ARSJ: variants seen among roughly 807,000 people sequenced by gnomAD.
ARSJ encodes arylsulfatase family member J.
ARSJ carries 26 observed loss-of-function variants against 35.9 expected under a neutral mutation model. The ratio of observed to expected loss-of-function variants is 0.72; its 90% CI spans 0.53 to 1.00. The LOEUF (loss-of-function observed/expected upper bound fraction) is 1.00, where lower values mean the gene tolerates loss of function less well. ARSJ is among the 50% of genes least tolerant of loss of function. The pLI is 0.00. For synonymous variants in ARSJ, 294 were observed against 267.6 expected, an observed-to-expected ratio of 1.10 and a Z score of -0.96; for missense variants, 667 against 723.6, an observed-to-expected ratio of 0.92 and a Z score of 0.90.
At chr4:113,975,589 C>T (rs1594527992) in intron 1 of ARSJ, among the ~76,000 whole-genome samples, 2 of 152,264 alleles carry the variant, frequency 1.3e-5, no homozygotes, top group African/African-American at 2.4e-5. Flanking sequence ...ACCTAGAATG[C>T]TGTTTCTCAA....
intron 1 of ARSJ, among the ~76,000 whole-genome samples, chr4:113,940,177 G>GATAC (rs1223256910): frequency 6.6e-6 from 1 of 152,080 alleles, no homozygotes; most frequent in Non-Finnish European, 1.5e-5. Flanking sequence ...CTGTTATAAA[G>GATAC]ATACATGCTT....
intron 1 of ARSJ, among the ~76,000 whole-genome samples, chr4:113,941,770 T>C (rs1725174832): frequency 6.6e-6 from 1 of 152,040 alleles, no homozygotes; most frequent in Non-Finnish European, 1.5e-5. Flanking sequence ...AAATGTTAAA[T>C]TAATATTGCC....
chr4:113,948,468 T>C (rs12108332), intron 1 of ARSJ, among the ~76,000 whole-genome samples: 53,684 of 151,966 alleles, frequency 0.35, 9,666 homozygotes, highest in Admixed American at 0.41. Context: ...CCTAAAGGTA[T>C]ATTAAGTGTC....
chr4:113,945,497 A>C (rs1195371770), intron 1 of ARSJ, among the ~76,000 whole-genome samples: 2 of 152,104 alleles, frequency 1.3e-5, no homozygotes, highest in Non-Finnish European at 2.9e-5. Context: ...GGACAGAAGT[A>C]AGTAAACTTT....
Position 113,902,847 on chromosome 4 carries a change from C to A in ARSJ, c.1227G>T (p.Glu409Asp). The change falls in exon 2 of 2, where the codon GAG becomes GAT. Residue 409 changes from glutamate (E) to aspartate (D), a missense_variant. By Grantham distance (45) the Glu-to-Asp change is conservative. Transcript: ENST00000315366. Reference sequence around the variant, plus strand: ...TATCTACTCGGGGTGAGCGAAGACCCTCACTTATGGTCTCCCAGATATCAT... The same window carrying A: ...TATCTACTCGGGGTGAGCGAAGACCATCACTTATGGTCTCCCAGATATCAT... The part of the protein sequence containing the change: ...DGYDIWETIS[E>D]GLRSPRVDIL... 1 of 1,614,156 alleles carries A rather than the reference C, an allele frequency of 6.2e-7. No homozygotes were observed. The highest frequency in any genetic ancestry group is 8.5e-7 in the Non-Finnish European group (1 of 1,180,034).
chr4:113,936,109 G>A (rs149450445), intron 1 of ARSJ, among the ~76,000 whole-genome samples: 2 of 151,958 alleles, frequency 1.3e-5, no homozygotes, highest in East Asian at 3.9e-4. Context: ...TGCAGGCAGG[G>A]CCTTTTTTGG....
intron 1 of ARSJ, among the ~76,000 whole-genome samples, chr4:113,928,406 G>A (rs948625310): frequency 6.6e-6 from 1 of 152,124 alleles, no homozygotes; most frequent in Non-Finnish European, 1.5e-5. Flanking sequence ...ATTGATTGAG[G>A]AGCTGTGATT....
At chr4:113,921,924 T>A (rs1723705472) in intron 1 of ARSJ, among the ~76,000 whole-genome samples, 1 of 152,188 alleles carries the variant, frequency 6.6e-6, no homozygotes, top group Non-Finnish European at 1.5e-5. Flanking sequence ...TAGTTTAGTC[T>A]ATTTGTAAGG....
In ARSJ at chr4:113,978,488, T is replaced by C. The variant is rs1727728365; in HGVS notation, c.347A>G (p.Tyr116Cys). The C allele has an allele frequency of 3.1e-6, 5 of 1,613,918 alleles. No homozygotes were observed. The highest frequency in any genetic ancestry group is 1.7e-5 in the Admixed American group (1 of 60,006). Reference protein sequence around the residue: ...LAAEGVKLENYYVQPICTPSR... With the variant: ...LAAEGVKLENCYVQPICTPSR... ...TGGTGTGCAAATAGGCTGGACATAG[T>C]AGTTCTCCAGTTTAACTCCTTCGGC... The change falls in exon 1 of 2, where the codon TAC becomes TGC. Residue 116 changes from tyrosine (Y) to cysteine (C), a missense_variant. Tyr to Cys is a radical substitution (Grantham distance 194). Coordinates refer to ENST00000315366, the MANE Select transcript of ARSJ (RefSeq NM_024590.4).
intron 1 of ARSJ, among the ~76,000 whole-genome samples, chr4:113,915,514 T>A (rs1171183511): frequency 2.6e-5 from 4 of 152,220 alleles, no homozygotes; most frequent in African/African-American, 9.6e-5. Context: ...GTAGCATGGT[T>A]ATAGCTGACT....
At chr4:113,937,836 A>G (rs1382210059) in intron 1 of ARSJ, among the ~76,000 whole-genome samples, 2 of 151,962 alleles carry the variant, frequency 1.3e-5, no homozygotes, top group East Asian at 3.9e-4. Flanking sequence ...TAATAAGGGA[A>G]GGGAAGGACC....
intron 1 of ARSJ, among the ~76,000 whole-genome samples, chr4:113,955,905 A>G (rs1314956702): frequency 3.3e-5 from 5 of 152,128 alleles, no homozygotes; most frequent in Admixed American, 1.3e-4. Flanking sequence ...GCCTTTTAGT[A>G]TCTTCCAGCC....
At position 113,903,691 on chromosome 4, in the gene ARSJ, A is replaced by G; in HGVS notation, c.399-16T>C. The G allele has an allele frequency of 2.5e-6, 4 of 1,580,922 alleles. No individual in the cohort carries two copies. Among genetic ancestry groups the G allele is most frequent in the Non-Finnish European group, 3.4e-6 (4 of 1,159,774 alleles). ...TATCTGATACCTTAAGAAAAGAGAA[A>G]AAAATTGTTATCAGGGCAGGATAAA... On this transcript the variant is annotated splice_polypyrimidine_tract_variant and intron_variant, in intron 1 of 1. Transcript: ENST00000315366.
chr4:113,911,908 C>A (rs1202365781), intron 1 of ARSJ, among the ~76,000 whole-genome samples: 1 of 151,958 alleles, frequency 6.6e-6, no homozygotes, highest in African/African-American at 2.4e-5. Context: ...ATGGCTAGCC[C>A]ATTATATCAT....
chr4:113,965,645 G>A (rs1726846209), intron 1 of ARSJ, among the ~76,000 whole-genome samples: 1 of 152,028 alleles, frequency 6.6e-6, no homozygotes, highest in Admixed American at 6.6e-5. Context: ...AGAGGGTAAT[G>A]TACATAAGGT....
At position 113,902,308 on chromosome 4, in the gene ARSJ, C is replaced by G; in HGVS notation, c.1766G>C (p.Gly589Ala). ...KKKKQQKAVS[G>A]STCHSGVTCG is the part of the protein sequence containing the mutation. ...AGTAACACCTGAATGGCAAGTTGAA[C>G]CTGAGACTGCTTTCTGCTGTTTCTT... Residue 589 changes from glycine to alanine, a missense_variant, in exon 2 of 2, where the codon GGT (glycine) becomes GCT (alanine). Gly to Ala is a moderately conservative substitution (Grantham distance 60). Transcript: ENST00000315366. The G allele has an allele frequency of 6.2e-7, 1 of 1,612,454 alleles. No homozygotes were observed. Among genetic ancestry groups the G allele is most frequent in the South Asian group, 1.1e-5 (1 of 91,078 alleles).
intron 1 of ARSJ, among the ~76,000 whole-genome samples, chr4:113,905,178 A>G (rs2149247912): frequency 6.6e-6 from 1 of 152,338 alleles, no homozygotes; most frequent in South Asian, 2.1e-4. Flanking sequence ...TTGATTCTAT[A>G]GTTATAAGTT....
intron 1 of ARSJ, among the ~76,000 whole-genome samples, chr4:113,958,777 T>C (rs896346687): frequency 6.6e-6 from 1 of 152,076 alleles, no homozygotes; most frequent in Non-Finnish European, 1.5e-5. Flanking sequence ...CTCTCATTTC[T>C]TTAATCTTCT....
chr4:113,975,050 G>A (rs757817260), intron 1 of ARSJ, among the ~76,000 whole-genome samples: 1 of 152,062 alleles, frequency 6.6e-6, no homozygotes, highest in Non-Finnish European at 1.5e-5. Flanking sequence ...AAAGAAACCA[G>A]ACATAGAAGA....
Sources: allele counts gnomAD v4.1 joint callset (sites outside exome capture counted in the v4.1 genomes callset), GRCh38; gene constraint gnomAD v4.1.1; transcripts MANE v1.5; gene names NCBI Gene and HGNC (gene_info 2026-07-23, HGNC 2026-07-21).